The following ZSCAN5A variants were observed in gnomAD, a reference collection of about 807,000 sequenced individuals.
ZSCAN5A encodes the protein zinc finger and SCAN domain containing 5A.
A neutral mutation model predicts 23.7 loss-of-function variants in ZSCAN5A; 12 were observed. That is an observed-to-expected ratio of 0.51 (90% CI 0.32 to 0.82). The LOEUF is 0.82. Among genes scored for constraint, ZSCAN5A ranks in the 40% least tolerant of loss-of-function variants. The pLI is 0.03. For missense variants in ZSCAN5A, 597 were observed against 617.9 expected (o/e 0.97, Z 0.36); for synonymous variants, 257 against 239.9 (o/e 1.07, Z -0.66).
intron 2 of ZSCAN5A, among the ~76,000 whole-genome samples, chr19:56,231,393 T>C (rs187007390): frequency 9.8e-5 from 15 of 152,316 alleles, no homozygotes; most frequent in Middle Eastern, 6.8e-3. Flanking sequence ...TTAATAATAA[T>C]AATGACAAAA....
chr19:56,278,020 A>G (rs984017643), intron 2 of ZSCAN5A, among the ~76,000 whole-genome samples: 11 of 152,072 alleles, frequency 7.2e-5, no homozygotes, highest in Non-Finnish European at 8.8e-5. Flanking sequence ...ATTATTTTAC[A>G]TTTTTGCAAA....
chr19:56,258,502 G>A (rs1015341795), intron 2 of ZSCAN5A, among the ~76,000 whole-genome samples: 2 of 139,808 alleles, frequency 1.4e-5, no homozygotes, highest in African/African-American at 2.7e-5. Context: ...TGGGGGTGAC[G>A]GACACACCTT....
chr19:56,337,540 C>T (rs945717358), intron 2 of ZSCAN5A, among the ~76,000 whole-genome samples: 10 of 152,202 alleles, frequency 6.6e-5, no homozygotes, highest in African/African-American at 2.2e-4. Flanking sequence ...CCAGGTGAGG[C>T]GATGCCTCGC....
At chr19:56,240,486 T>G (rs1241800096) in intron 2 of ZSCAN5A, among the ~76,000 whole-genome samples, 2 of 152,038 alleles carry the variant, frequency 1.3e-5, no homozygotes, top group Non-Finnish European at 2.9e-5. Context: ...CCAGGCCAGT[T>G]GGAGAGTGCA....
In ZSCAN5A at chr19:56,223,713, A is replaced by G. The variant is rs760274039; in HGVS notation, c.506T>C (p.Val169Ala). 2.1e-5 allele frequency: 34 copies of G among 1,613,254 alleles called. No individual in the cohort carries two copies. The highest frequency in any genetic ancestry group is 2.7e-5 in the Non-Finnish European group (32 of 1,179,856). Residue 169 changes from valine to alanine, a missense_variant, in exon 4 of 6, where the codon GTG becomes GCG. Coordinates refer to ENST00000683990, the MANE Select transcript of ZSCAN5A (RefSeq NM_001322064.3). ...KDVSSQRASS[V>A]NQMRPGEGQA... ...GCCTTCCCCTGGACGCATCTGGTTC[A>G]CCGAGGAGGCCCGTTGGCTGGACAC... is the stretch of plus-strand genomic sequence containing the variant.
chr19:56,224,171 G>A (rs1295637311), intron 3 of ZSCAN5A, among the ~76,000 whole-genome samples: 1 of 151,862 alleles, frequency 6.6e-6, no homozygotes, highest in Non-Finnish European at 1.5e-5. Flanking sequence ...AGAACTTAGG[G>A]GCTCATTTGG....
intron 2 of ZSCAN5A, among the ~76,000 whole-genome samples, chr19:56,324,306 C>A (rs2041412210): frequency 6.6e-6 from 1 of 152,106 alleles, no homozygotes; most frequent in Non-Finnish European, 1.5e-5. Flanking sequence ...ACATTTTATT[C>A]TTTTTTATGG....
rs1413148211 is a variant in ZSCAN5A, at chr19:56,224,885, C to T, written c.162G>A (p.Lys54=). ...HVNFRMFSCP[K]ESDPIQALRK... ...TCAGAGCCTGGATGGGGTCCGACTC[C>T]TTCGGGCAGCTGAACATCCTGAAGT... Residue 54 remains lysine, a synonymous_variant, in exon 3 of 6, where the codon AAG becomes AAA. Transcript: ENST00000683990. The T allele has an allele frequency of 5.0e-6, 8 of 1,614,040 alleles. No individual in the cohort carries two copies. The highest frequency in any genetic ancestry group is 2.2e-5 in the East Asian group (1 of 44,892).
chr19:56,232,885 T>C (rs1054100113), intron 2 of ZSCAN5A, among the ~76,000 whole-genome samples: 3 of 152,178 alleles, frequency 2.0e-5, no homozygotes, highest in Non-Finnish European at 4.4e-5. Context: ...TTTCACCATG[T>C]TGCCCAGGCT....
intron 1 of ZSCAN5A, 27 bp downstream of exon 1, chr19:56,314,654 G>A (rs1191615481): frequency 1.3e-5 from 2 of 152,102 alleles, no homozygotes; most frequent in Non-Finnish European, 2.9e-5. Context: ...GTCACCGCAA[G>A]GGCGGAAGGG....
chr19:56,325,250 C>G (rs2041422061), intron 2 of ZSCAN5A, among the ~76,000 whole-genome samples: 1 of 152,042 alleles, frequency 6.6e-6, no homozygotes, highest in African/African-American at 2.4e-5. Context: ...GGTTGTTTAC[C>G]CTTAAAGGTA....
At chr19:56,307,316 TGCAG>T (rs2040757014) in intron 2 of ZSCAN5A, among the ~76,000 whole-genome samples, 1 of 152,186 alleles carries the variant, frequency 6.6e-6, no homozygotes, top group Non-Finnish European at 1.5e-5. Context: ...CACCCCCTGC[TGCAG>T]TCCTGCTTAA....
chr19:56,251,827 C>T (rs939882924), intron 2 of ZSCAN5A, among the ~76,000 whole-genome samples: 2 of 152,274 alleles, frequency 1.3e-5, no homozygotes, highest in African/African-American at 2.4e-5. Flanking sequence ...CCTTCCAAAG[C>T]GCTGGAATTA....
chr19:56,224,709 T>C lies in ZSCAN5A; in HGVS notation c.338A>G (p.Lys113Arg), dbSNP rs1356824594. 1.9e-6 allele frequency: 3 copies of C among 1,562,560 alleles called. No homozygotes were observed. Among genetic ancestry groups the C allele is most frequent in the South Asian group, 2.4e-5 (2 of 82,996 alleles). The change falls in exon 3 of 6, where the codon AAA becomes AGA. Residue 113 changes from lysine to arginine, a missense_variant. Lys to Arg is a conservative substitution (Grantham distance 26). Coordinates refer to ENST00000683990, the MANE Select transcript of ZSCAN5A (RefSeq NM_001322064.3). ...LVMMNGVQSC[K>R]DLEDLLRNNR... ...ATTTCGTAGCAGGTCCTCCAGGTCT[T>C]TGCAGCTCTGCACACCGTTCATCAT...
intron 2 of ZSCAN5A, among the ~76,000 whole-genome samples, chr19:56,261,418 G>T (rs2037122692): frequency 6.6e-6 from 1 of 152,114 alleles, no homozygotes; most frequent in Non-Finnish European, 1.5e-5. Context: ...CATCTGAGCT[G>T]GGACTTTCCC....
intron 2 of ZSCAN5A, among the ~76,000 whole-genome samples, chr19:56,338,845 A>G (rs1297310730): frequency 6.6e-6 from 1 of 152,224 alleles, no homozygotes; most frequent in Non-Finnish European, 1.5e-5. Flanking sequence ...GGCCATGACC[A>G]CAGTGAAAGT....
intron 2 of ZSCAN5A, chr19:56,310,236 C>T: frequency 6.6e-6 from 1 of 152,418 alleles, no homozygotes; most frequent in Admixed American, 6.5e-5. Context: ...GTCCCCTGGA[C>T]TGCCTGTGTG....
At chr19:56,233,899 G>T (rs1387819942) in intron 2 of ZSCAN5A, among the ~76,000 whole-genome samples, 1 of 152,046 alleles carries the variant, frequency 6.6e-6, no homozygotes, top group Non-Finnish European at 1.5e-5. Context: ...CTTCCAAGCT[G>T]GCAGAAAAGG....
rs141152496 is a variant in ZSCAN5A, at chr19:56,267,069, C to A, written c.-127-41896G>T. On this transcript the variant is annotated intron_variant, in intron 2 of 5. Transcript: ENST00000683990. ...GTTCCCTCTGTCTAAGCTACTCTTA[C>A]CCCAGATCTTCATTAGGATCTAAAC... Among the ~76,000 whole-genome samples, 996 of 152,132 alleles carry A rather than the reference C, an allele frequency of 6.5e-3. 9 individuals carry two copies. Among genetic ancestry groups the A allele is most frequent in the Middle Eastern group, 0.044 (13 of 294 alleles).
Sources: gnomAD v4.1 joint callset for allele counts (sites outside exome capture counted in the v4.1 genomes callset) on GRCh38, gnomAD v4.1.1 for gene constraint, MANE v1.5 for transcripts, NCBI Gene and HGNC (gene_info 2026-07-23, HGNC 2026-07-21) for gene names.